The following NXPE3 variants were observed in gnomAD, a reference collection of about 807,000 sequenced individuals.
NXPE3 encodes the protein NXPE family member 3.
A neutral mutation model predicts 46.1 loss-of-function variants in NXPE3; 26 were observed. The ratio of observed to expected loss-of-function variants is 0.56; its 90% CI spans 0.41 to 0.78. The LOEUF (loss-of-function observed/expected upper bound fraction) is 0.78. NXPE3 is among the 30% of genes least tolerant of loss of function. NXPE3 has a pLI of 0.00. For synonymous variants in NXPE3, 272 were observed against 257.9 expected (o/e 1.05, Z -0.52); for missense variants, 620 against 686.0 (o/e 0.90, Z 1.07).
intron 7 of NXPE3, among the ~76,000 whole-genome samples, chr3:101,817,490 G>A (rs2107348421): frequency 6.6e-6 from 1 of 152,320 alleles, no homozygotes; most frequent in East Asian, 1.9e-4. Flanking sequence ...CCATCCCTGT[G>A]TCATCCATTG....
chr3:101,818,980 G>A (rs1363779795), intron 7 of NXPE3, among the ~76,000 whole-genome samples: 3 of 151,556 alleles, frequency 2.0e-5, no homozygotes, highest in Non-Finnish European at 2.9e-5. Context: ...GGCCAGGCTG[G>A]TCTCAAACTT....
Position 101,785,633 on chromosome 3 carries a change from T to G in NXPE3, c.37T>G (p.Cys13Gly). Residue 13 changes from cysteine (C) to glycine (G), a missense_variant, in exon 4 of 8, where the codon TGT becomes GGT. Cys to Gly is a radical substitution (Grantham distance 159, BLOSUM62 -3). This residue lies in a region of NXPE3 where 511 missense variants were observed against 528.6 expected (regional missense o/e 0.97). Transcript: ENST00000273347. ...TTTCTTCAAACTACGGCTTTTCTGC[T>G]GTCTGCTTGCAGTGTTGATGGTGGT... ...TNFFKLRLFC[C>G]LLAVLMVVVL... 1 of 1,614,156 alleles carries G rather than the reference T, an allele frequency of 6.2e-7. No homozygotes were observed. The highest frequency in any genetic ancestry group is 8.5e-7 in the Non-Finnish European group (1 of 1,180,000).
rs141142493 is a variant in NXPE3, at chr3:101,798,556, T to C, written c.94-2679T>C. Among the ~76,000 whole-genome samples, 62 of 147,930 alleles carry C rather than the reference T, an allele frequency of 4.2e-4. 1 individual carries two copies. The highest frequency in any genetic ancestry group is 1.5e-3 in the African/African-American group (60 of 40,544). Reference sequence around the variant, plus strand: ...ATGTATATATGTATGTAGATATATGTCTATATATATAATGTATATATATGT... The same window carrying C: ...ATGTATATATGTATGTAGATATATGCCTATATATATAATGTATATATATGT... On this transcript the variant is annotated intron_variant, in intron 4 of 7. Coordinates refer to ENST00000273347, the MANE Select transcript of NXPE3 (RefSeq NM_145037.4).
intron 3 of NXPE3, among the ~76,000 whole-genome samples, chr3:101,783,084 C>T (rs189051084): frequency 1.1e-4 from 16 of 151,706 alleles, no homozygotes; most frequent in Admixed American, 5.2e-4. Context: ...TTTTTTGAGA[C>T]GGAGTCTCGC....
chr3:101,806,901 G>T, intron 5 of NXPE3, 152 bp from the exon 6 acceptor site: 2 of 644,930 alleles, frequency 3.1e-6, no homozygotes, highest in Non-Finnish European at 5.5e-6. Flanking sequence ...AAGAGACCCA[G>T]TTTATTATTT....
chr3:101,790,712 C>T (rs1382904761), intron 4 of NXPE3, among the ~76,000 whole-genome samples: 6 of 152,104 alleles, frequency 3.9e-5, no homozygotes, highest in Non-Finnish European at 8.8e-5. Flanking sequence ...CTCCTCTCAG[C>T]CTTCTGAGTA....
intron 4 of NXPE3, among the ~76,000 whole-genome samples, chr3:101,794,661 T>A (rs970965781): frequency 6.6e-6 from 1 of 152,162 alleles, no homozygotes; most frequent in Admixed American, 6.6e-5. Flanking sequence ...CACAAAGTAT[T>A]ATAATAGACA....
chr3:101,799,039 A>G (rs1260771916), intron 4 of NXPE3, among the ~76,000 whole-genome samples: 1 of 152,082 alleles, frequency 6.6e-6, no homozygotes, highest in Non-Finnish European at 1.5e-5. Flanking sequence ...GGGTTCAGTG[A>G]TCTTCCCAGC....
rs1941164950 is a variant in NXPE3, at chr3:101,801,728, T to C, written c.587T>C (p.Val196Ala). The C allele has an allele frequency of 6.2e-7, 1 of 1,614,060 alleles. No individual in the cohort carries two copies. Among genetic ancestry groups the C allele is most frequent in the Non-Finnish European group, 8.5e-7 (1 of 1,179,994 alleles). The change falls in exon 5 of 8, where the codon GTT (valine) becomes GCT (alanine). Residue 196 changes from valine (V) to alanine (A), a missense_variant. By Grantham distance (64) the Val-to-Ala change is moderately conservative. Transcript: ENST00000273347. ...SLVHPSEGIR[V>A]LQRLQEDKPD... ...GTCCACCCCAGTGAAGGGATCAGAG[T>C]TCTTCAGCGCTTACAGGAAGATAAA...
rs745697319 is a variant in NXPE3 at position 101,801,868 on chromosome 3, A to G, written c.727A>G (p.Thr243Ala). 5 of 1,614,012 alleles carry G rather than the reference A, an allele frequency of 3.1e-6. No homozygotes were observed. Among genetic ancestry groups the G allele is most frequent in the East Asian group, 2.2e-5 (1 of 44,878 alleles). ...LPLCNFTDLY[T>A]GEPWFCFKPK... ...CCTGTGTAACTTTACAGACCTCTAC[A>G]CTGGGGAGCCCTGGTTCTGCTTCAA... The change falls in exon 5 of 8, where the codon ACT becomes GCT. Residue 243 changes from threonine to alanine, a missense_variant. Physicochemically the swap from Thr to Ala is moderately conservative, Grantham distance 58. Around this residue, in one of 3 missense-constraint regions of NXPE3, gnomAD observed 511 missense variants for 528.6 expected, o/e 0.97. Coordinates refer to ENST00000273347, the MANE Select transcript of NXPE3 (RefSeq NM_145037.4).
Position 101,801,603 on chromosome 3 carries a change from G to C in NXPE3, c.462G>C (p.Gln154His), listed in dbSNP as rs1421022447. Residue 154 changes from glutamine to histidine, a missense_variant, in exon 5 of 8, where the codon CAG becomes CAC. By Grantham distance (24) the Gln-to-His change is conservative. Transcript: ENST00000273347. ...CCAGAATTCACTCCCTCAAGCTGCA[G>C]GCTGGGGCTGTGGGCAGGGTGGTGG... is the stretch of plus-strand genomic sequence containing the variant. The part of the protein sequence containing the change: ...LQARIHSLKL[Q>H]AGAVGRVVDY... 1 of 1,614,178 alleles carries C rather than the reference G, an allele frequency of 6.2e-7. No individual in the cohort carries two copies. Among genetic ancestry groups the C allele is most frequent in the African/African-American group, 1.3e-5 (1 of 75,042 alleles).
At chr3:101,787,159 A>AC in intron 4 of NXPE3, among the ~76,000 whole-genome samples, 1 of 151,988 alleles carries the variant, frequency 6.6e-6, no homozygotes, top group East Asian at 1.9e-4. Context: ...TCAAAAAAAA[A>AC]AACACAACAA....
chr3:101,800,306 A>G (rs941566203), intron 4 of NXPE3, among the ~76,000 whole-genome samples: 1 of 152,092 alleles, frequency 6.6e-6, no homozygotes, highest in Non-Finnish European at 1.5e-5. Flanking sequence ...GAGATTTTGT[A>G]TGTTACCCAT....
At chr3:101,792,603 A>G (rs1169399943) in intron 4 of NXPE3, among the ~76,000 whole-genome samples, 1 of 151,814 alleles carries the variant, frequency 6.6e-6, no homozygotes, top group Non-Finnish European at 1.5e-5. Context: ...TGGATTCTCT[A>G]TTCTGTTTTG....
At chr3:101,816,377 C>G (rs1359651601) in intron 6 of NXPE3, among the ~76,000 whole-genome samples, 3 of 152,024 alleles carry the variant, frequency 2.0e-5, no homozygotes, top group Non-Finnish European at 4.4e-5. Context: ...AACCCATCAT[C>G]TAGGTTTTAA....
At chr3:101,804,037 T>C (rs933775249) in intron 5 of NXPE3, among the ~76,000 whole-genome samples, 2 of 152,348 alleles carry the variant, frequency 1.3e-5, no homozygotes, top group Admixed American at 1.3e-4. Flanking sequence ...ATCAGGGTAA[T>C]TGGAGTATCC....
intron 6 of NXPE3, among the ~76,000 whole-genome samples, chr3:101,808,026 G>A (rs1211931666): frequency 1.3e-5 from 2 of 152,154 alleles, no homozygotes; most frequent in Non-Finnish European, 2.9e-5. Flanking sequence ...TCAAAGTGTG[G>A]TCTGTGGATC....
intron 5 of NXPE3, 57 bp downstream of exon 5, chr3:101,802,046 C>T (rs1941190035): frequency 2.0e-6 from 3 of 1,494,132 alleles, no homozygotes; most frequent in Non-Finnish European, 2.7e-6. Context: ...CTGTCCTTGT[C>T]CCATTTAGGA....
intron 4 of NXPE3, among the ~76,000 whole-genome samples, chr3:101,797,478 G>T (rs1940899476): frequency 7.1e-6 from 1 of 141,160 alleles, no homozygotes; most frequent in Non-Finnish European, 1.5e-5. Context: ...CATTGTGCAG[G>T]TTAGTTACAT....
Sources: gnomAD v4.1 joint callset for allele counts (sites outside exome capture counted in the v4.1 genomes callset) on GRCh38, gnomAD v4.1.1 for gene constraint, gnomAD v4.1.1 regional missense constraint, MANE v1.5 for transcripts, NCBI Gene and HGNC (gene_info 2026-07-23, HGNC 2026-07-21) for gene names.